Variants in LRP1B observed in about 807,000 individuals in gnomAD.
The protein encoded by LRP1B is low-density lipoprotein receptor-related protein 1B.
In LRP1B, 217 loss-of-function variants were observed where a neutral mutation model predicts 556.6. The observed-to-expected ratio is 0.39, with a 90% CI of 0.35 to 0.44. The LOEUF is 0.44. LRP1B is among the 20% of genes least tolerant of loss of function. The pLI, the probability that LRP1B is intolerant of heterozygous loss-of-function variation, is 1.00. For missense variants in LRP1B, 5,053 were observed against 5,620.8 expected, an observed-to-expected ratio of 0.90 and a Z score of 3.23; for synonymous variants, 2,047 against 1,865.8, an observed-to-expected ratio of 1.10 and a Z score of -2.50.
intron 25 of LRP1B, among the ~76,000 whole-genome samples, chr2:140,879,914 A>G (rs1455653866): frequency 1.3e-5 from 2 of 151,666 alleles, no homozygotes; most frequent in South Asian, 4.2e-4. Flanking sequence ...CACCTATCAG[A>G]TCAAGCAGCA....
At chr2:141,530,380 T>A (rs1056110432) in intron 2 of LRP1B, among the ~76,000 whole-genome samples, 9 of 152,146 alleles carry the variant, frequency 5.9e-5, no homozygotes, top group African/African-American at 1.9e-4. Flanking sequence ...AGGAGGGAAC[T>A]GTTCTTTTCA....
At chr2:142,115,706 A>T (rs12620869) in intron 1 of LRP1B, among the ~76,000 whole-genome samples, 1,472 of 3,698 alleles carry the variant, frequency 0.4, 612 homozygotes, top group East Asian at 0.7. Flanking sequence ...ATATATATAT[A>T]ATATATATGT....
At chr2:140,684,397 C>A (rs1685974046) in intron 41 of LRP1B, among the ~76,000 whole-genome samples, 1 of 152,162 alleles carries the variant, frequency 6.6e-6, no homozygotes, top group African/African-American at 2.4e-5. Flanking sequence ...CTAATAGGTA[C>A]AACCAAGAGG....
chr2:141,079,983 A>G (rs932516873), intron 7 of LRP1B, among the ~76,000 whole-genome samples: 2 of 152,244 alleles, frequency 1.3e-5, no homozygotes, highest in African/African-American at 4.8e-5. Context: ...TTTTTATGCC[A>G]ATATGCTCCA....
At chr2:142,050,809 T>A (rs1704429499) in intron 1 of LRP1B, among the ~76,000 whole-genome samples, 1 of 152,092 alleles carries the variant, frequency 6.6e-6, no homozygotes, top group Non-Finnish European at 1.5e-5. Context: ...ATAAACTCCT[T>A]TCCCAACTAA....
At chr2:140,777,217 T>A (rs1689529271) in intron 32 of LRP1B, among the ~76,000 whole-genome samples, 1 of 152,208 alleles carries the variant, frequency 6.6e-6, no homozygotes, top group Non-Finnish European at 1.5e-5. Flanking sequence ...TTTAACTCTA[T>A]TTGGGCAATT....
intron 11 of LRP1B, among the ~76,000 whole-genome samples, chr2:141,041,869 T>C (rs1384566301): frequency 1.3e-5 from 2 of 152,092 alleles, no homozygotes; most frequent in Non-Finnish European, 2.9e-5. Context: ...TGTACAATTA[T>C]TATGTGTCAA....
chr2:141,992,949 G>C lies in LRP1B; in HGVS notation c.82+137699C>G, dbSNP rs181364290. Among the ~76,000 whole-genome samples, 7 of 152,238 alleles carry C rather than the reference G, an allele frequency of 4.6e-5. No homozygotes were observed. In the East Asian group the frequency reaches 1.4e-3, roughly 29 times the overall value. ...TGAGATCAAACCGTATGTTTTACTT[G>C]ACAGGCATTGCTGGGTGGCTGAATT... On this transcript the variant is annotated intron_variant, in intron 1 of 90. Transcript: ENST00000389484.
In LRP1B at chr2:141,912,058, G is replaced by A. The variant is rs530963670; in HGVS notation, c.83-101657C>T. Among the ~76,000 whole-genome samples the A allele has an allele frequency of 2.0e-5, 3 of 152,150 alleles. No individual in the cohort carries two copies. In the East Asian group the frequency reaches 5.8e-4, roughly 29 times the overall value. On this transcript the variant is annotated intron_variant, in intron 1 of 90. Coordinates refer to ENST00000389484, the MANE Select transcript of LRP1B (RefSeq NM_018557.3). ...TATGTAATGGACCGCCATATATTTT[G>A]GGACATAGCTATCATATTTCCTCTC...
At chr2:141,506,092 C>T (rs1559110399) in intron 2 of LRP1B, among the ~76,000 whole-genome samples, 1 of 151,962 alleles carries the variant, frequency 6.6e-6, no homozygotes, top group Admixed American at 6.6e-5. Context: ...GAGAAAACTC[C>T]CTTAGTCTGC....
In LRP1B at chr2:141,143,835, C is replaced by CTTT. The variant is rs11408374; in HGVS notation, c.1013+44583_1013+44585dup. On this transcript the variant is annotated intron_variant, in intron 7 of 90. Transcript: ENST00000389484. ...TTTATCTGTCAAGAGCTTTCCTAATCTTTTTTTTTTTTTCCAGGGGATCAA... is the reference window on the plus strand; with the variant it reads ...TTTATCTGTCAAGAGCTTTCCTAATCTTTTTTTTTTTTTTTTCCAGGGGATCAA... Among the ~76,000 whole-genome samples, 267 of 148,132 alleles carry CTTT rather than the reference C, an allele frequency of 1.8e-3. 5 individuals carry two copies. Among genetic ancestry groups the CTTT allele is most frequent in the Non-Finnish European group, 3.0e-3 (201 of 67,170 alleles).
At chr2:140,790,198 T>G (rs1021244) in intron 32 of LRP1B, among the ~76,000 whole-genome samples, 1 of 152,124 alleles carries the variant, frequency 6.6e-6, no homozygotes. Context: ...TTCAGCTCCC[T>G]GCAAAAGTAT....
chr2:141,062,103 C>G lies in LRP1B; in HGVS notation c.1184G>C (p.Gly395Ala), dbSNP rs964778644. Residue 395 changes from glycine to alanine, a missense_variant, in exon 8 of 91, where the codon GGA (glycine) becomes GCA (alanine). Coordinates refer to ENST00000389484, the MANE Select transcript of LRP1B (RefSeq NM_018557.3). ...YWVDLYLDYV[G>A]VVDYQGKNRH... ...ATTTTTTCCTTGATAGTCCACTACT[C>G]CCACATAGTCCAAGTAAAGATCTAC... The G allele has an allele frequency of 1.6e-5, 25 of 1,611,892 alleles. No homozygotes were observed. Among genetic ancestry groups the G allele is most frequent in the Non-Finnish European group, 2.0e-5 (24 of 1,178,690 alleles).
intron 3 of LRP1B, among the ~76,000 whole-genome samples, chr2:141,435,302 G>A (rs1236976301): frequency 6.6e-6 from 1 of 152,144 alleles, no homozygotes; most frequent in Non-Finnish European, 1.5e-5. Context: ...ATCCTGCTCT[G>A]ATTGCTCCTG....
intron 3 of LRP1B, among the ~76,000 whole-genome samples, chr2:141,472,229 G>C (rs1682501701): frequency 2.0e-5 from 3 of 152,132 alleles, no homozygotes; most frequent in Admixed American, 1.3e-4. Flanking sequence ...TGGGAGCAAT[G>C]GATACATGTT....
chr2:141,639,349 T>TACATACAC (rs1553440026), intron 2 of LRP1B, among the ~76,000 whole-genome samples: 13 of 56,092 alleles, frequency 2.3e-4, no homozygotes, highest in African/African-American at 8.7e-4. Context: ...TATATATATA[T>TACATACAC]ACACACACAC....
chr2:141,697,474 A>G (rs1460836696), intron 2 of LRP1B, among the ~76,000 whole-genome samples: 1 of 152,016 alleles, frequency 6.6e-6, no homozygotes, highest in African/African-American at 2.4e-5. Context: ...TGAAACGTGC[A>G]TCGGGAATAC....
intron 27 of LRP1B, among the ~76,000 whole-genome samples, chr2:140,866,733 G>C (rs1236071008): frequency 6.6e-6 from 1 of 152,112 alleles, no homozygotes; most frequent in African/African-American, 2.4e-5. Flanking sequence ...AGACAAAGGA[G>C]AGCCATGTGA....
chr2:140,437,993 G>C (rs1462279630), intron 66 of LRP1B, among the ~76,000 whole-genome samples: 2 of 151,982 alleles, frequency 1.3e-5, no homozygotes, highest in Non-Finnish European at 2.9e-5. Flanking sequence ...TATATAACAA[G>C]TGTATATGTG....
Sources: gnomAD v4.1 joint callset for allele counts (sites outside exome capture counted in the v4.1 genomes callset) on GRCh38, gnomAD v4.1.1 for gene constraint, MANE v1.5 for transcripts, NCBI Gene and HGNC (gene_info 2026-07-23, HGNC 2026-07-21) for gene names.